JARID2: variants seen among roughly 807,000 people sequenced by gnomAD.
JARID2 encodes protein Jumonji.
In JARID2, 21 loss-of-function variants were observed where a neutral mutation model predicts 125.6. The ratio of observed to expected loss-of-function variants is 0.17; its 90% confidence interval spans 0.12 to 0.24. The LOEUF (loss-of-function observed/expected upper bound fraction) is 0.24, where lower values mean the gene tolerates loss of function less well. JARID2 is among the 10% of genes least tolerant of loss of function. The pLI, the probability that JARID2 is intolerant of heterozygous loss-of-function variation, is 1.00. For missense variants in JARID2, 1,303 were observed against 1,639.6 expected, an observed-to-expected ratio of 0.79 and a Z score of 3.55; for synonymous variants, 736 against 661.6, an observed-to-expected ratio of 1.11 and a Z score of -1.73.
At position 15,517,154 on chromosome 6, in the gene JARID2, C is replaced by T. The variant is rs758910421; in HGVS notation, c.3451-7C>T. 1 of 1,605,276 alleles carries T rather than the reference C, an allele frequency of 6.2e-7. No individual in the cohort carries two copies. Among genetic ancestry groups the T allele is most frequent in the Admixed American group, 1.7e-5 (1 of 60,010 alleles). ...CTGACCTTCGGGTGTCCTGCTCTTG[C>T]TTGCAGGTGGTACAAGAGAACGAAA... On this transcript the variant is annotated splice_region_variant and splice_polypyrimidine_tract_variant and intron_variant, in intron 16 of 17. Coordinates refer to ENST00000341776, the MANE Select transcript of JARID2 (RefSeq NM_004973.4).
Position 15,521,014 on chromosome 6 carries a change from T to A in JARID2, c.*763T>A, listed in dbSNP as rs1414666863. 3 of 184,666 alleles carry A rather than the reference T, an allele frequency of 1.6e-5. No individual in the cohort carries two copies. The highest frequency in any genetic ancestry group is 7.2e-5 in the African/African-American group (3 of 41,922). The allele number at this position is 184,666 out of a possible 1,614,324, so 11.4% of individuals were successfully genotyped here. Reference sequence around the variant, plus strand: ...TTTCATTAGGAAATCCATTCTGTTATTTTTTGGTGCTGTTGGCTACTTTAT... The same window carrying A: ...TTTCATTAGGAAATCCATTCTGTTAATTTTTGGTGCTGTTGGCTACTTTAT... On this transcript the variant is annotated 3_prime_UTR_variant, in exon 18 of 18. Coordinates refer to ENST00000341776, the MANE Select transcript of JARID2 (RefSeq NM_004973.4).
intron 1 of JARID2, among the ~76,000 whole-genome samples, chr6:15,290,006 A>G (rs1486974997): frequency 2.0e-5 from 3 of 152,220 alleles, no homozygotes; most frequent in Non-Finnish European, 4.4e-5. Flanking sequence ...GTGAGCTTCT[A>G]TTGCTGTATA....
At chr6:15,400,699 C>T (rs982222974) in intron 2 of JARID2, 9 of 567,812 alleles carry the variant, frequency 1.6e-5, no homozygotes, top group Non-Finnish European at 2.0e-5. Flanking sequence ...AGCCGGAGAC[C>T]CCTCCTCTTT....
At chr6:15,517,051 G>T in intron 16 of JARID2, 110 bp from the exon 17 acceptor site, 1 of 749,378 alleles carries the variant, frequency 1.3e-6, no homozygotes, top group Non-Finnish European at 2.4e-6. Context: ...GGCTACTCTG[G>T]CGCGGGCAGT....
At chr6:15,263,123 G>T (rs78965284) in intron 1 of JARID2, among the ~76,000 whole-genome samples, 11,209 of 147,648 alleles carry the variant, frequency 0.076, 450 homozygotes, top group Admixed American at 0.11. Context: ...TGTGTGGTAG[G>T]GGTCCTCATT....
At chr6:15,369,635 A>T (rs185296515) in intron 1 of JARID2, among the ~76,000 whole-genome samples, 1 of 152,354 alleles carries the variant, frequency 6.6e-6, no homozygotes, top group East Asian at 1.9e-4. Flanking sequence ...TGAGGTGCTA[A>T]TGGGCTATTA....
chr6:15,305,607 A>G (rs2127418526), intron 1 of JARID2, among the ~76,000 whole-genome samples: 1 of 152,252 alleles, frequency 6.6e-6, no homozygotes, highest in Admixed American at 6.5e-5. Flanking sequence ...GTGTGAGTAA[A>G]AGCACCTCAT....
intron 4 of JARID2, among the ~76,000 whole-genome samples, chr6:15,465,903 A>C (rs1267841082): frequency 6.6e-6 from 1 of 151,972 alleles, no homozygotes; most frequent in Non-Finnish European, 1.5e-5. Context: ...TCCCGGGTTC[A>C]AGTGATTCTC....
intron 1 of JARID2, among the ~76,000 whole-genome samples, chr6:15,263,509 T>C (rs1020951682): frequency 1.1e-4 from 17 of 152,154 alleles, no homozygotes; most frequent in African/African-American, 3.6e-4. Flanking sequence ...CTGTATTCTT[T>C]TGATTTCTCT....
intron 1 of JARID2, among the ~76,000 whole-genome samples, chr6:15,366,633 C>T (rs1763990289): frequency 6.6e-6 from 1 of 151,948 alleles, no homozygotes; most frequent in Non-Finnish European, 1.5e-5. Flanking sequence ...CCTGAGTGCT[C>T]CTTTCCTTGG....
Position 15,495,862 on chromosome 6 carries a change from C to T in JARID2, c.907-270C>T, listed in dbSNP as rs554009693. 2.2e-3 allele frequency among the ~76,000 whole-genome samples: 338 copies of T among 152,238 alleles called. 5 individuals carry two copies. Among genetic ancestry groups the T allele is most frequent in the Non-Finnish European group, 6.9e-4 (47 of 68,018 alleles). On this transcript the variant is annotated intron_variant, in intron 6 of 17. Transcript: ENST00000341776. Reference sequence around the variant, plus strand: ...GAACGTGAAAATGCACCCAGGAAACCCCGCTAGGAAGCGCCTGGGGCAGTT... The same window carrying T: ...GAACGTGAAAATGCACCCAGGAAACTCCGCTAGGAAGCGCCTGGGGCAGTT...
In JARID2 at chr6:15,299,167, A is replaced by G. The variant is rs1761517211; in HGVS notation, c.45+52583A>G. 1.3e-5 allele frequency among the ~76,000 whole-genome samples: 2 copies of G among 152,158 alleles called. 1 individual carries two copies. The highest frequency in any genetic ancestry group is 4.2e-4 in the South Asian group (2 of 4,818). ...ACTGACCCGTGAGCCTTAATTTTGA[A>G]TACAACCCCTTGGACATAGGGTTCT... On this transcript the variant is annotated intron_variant, in intron 1 of 17. Transcript: ENST00000341776.
Position 15,482,792 on chromosome 6 carries a change from A to C in JARID2, c.671-4515A>C, listed in dbSNP as rs76979242. Among the ~76,000 whole-genome samples, 513 of 152,340 alleles carry C rather than the reference A, an allele frequency of 3.4e-3. 5 individuals are homozygous for C. Among genetic ancestry groups the C allele is most frequent in the African/African-American group, 0.012 (496 of 41,570 alleles). On this transcript the variant is annotated intron_variant, in intron 5 of 17. Coordinates refer to ENST00000341776, the MANE Select transcript of JARID2 (RefSeq NM_004973.4). ...CTGGGAACCTGTACCTGTATCAGTG[A>C]ACTTTTCATACTGTTACATTAATAT...
chr6:15,388,529 C>T (rs967757773), intron 2 of JARID2, among the ~76,000 whole-genome samples: 14 of 151,030 alleles, frequency 9.3e-5, no homozygotes, highest in Non-Finnish European at 1.5e-4. Context: ...ACAAGTCTAT[C>T]GTTCAAGGAG....
intron 1 of JARID2, chr6:15,247,448 G>T: frequency 2.0e-6 from 2 of 984,182 alleles, no homozygotes; most frequent in Non-Finnish European, 2.4e-6. Context: ...AAGTTTGAGG[G>T]GAGGGAGGAA....
intron 2 of JARID2, among the ~76,000 whole-genome samples, chr6:15,398,646 T>C (rs891849416): frequency 2.6e-5 from 4 of 152,240 alleles, no homozygotes; most frequent in South Asian, 2.1e-4. Context: ...AAATATTGCC[T>C]GCATGATCAG....
chr6:15,443,385 A>G (rs1447582271), intron 3 of JARID2, among the ~76,000 whole-genome samples: 4 of 152,040 alleles, frequency 2.6e-5, no homozygotes, highest in Non-Finnish European at 5.9e-5. Flanking sequence ...CAGATTACAG[A>G]TTGTATTGCT....
At chr6:15,315,460 G>C (rs952475418) in intron 1 of JARID2, among the ~76,000 whole-genome samples, 4 of 152,152 alleles carry the variant, frequency 2.6e-5, no homozygotes, top group Non-Finnish European at 5.9e-5. Flanking sequence ...ATATAGCTTT[G>C]ATCTTTACTG....
At chr6:15,247,429 T>A in intron 1 of JARID2, 1 of 984,668 alleles carries the variant, frequency 1.0e-6, no homozygotes, top group Non-Finnish European at 1.2e-6. Context: ...GTGGCTTTTT[T>A]TTTTTTTTAA....
Sources: gnomAD v4.1 joint callset for allele counts (sites outside exome capture counted in the v4.1 genomes callset) on GRCh38, gnomAD v4.1.1 for gene constraint, MANE v1.5 for transcripts, NCBI Gene and HGNC (gene_info 2026-07-23, HGNC 2026-07-21) for gene names.